NYAP2: variants seen among roughly 807,000 people sequenced by gnomAD.
The protein encoded by NYAP2 is neuronal tyrosine-phosphorylated phosphoinositide-3-kinase adaptor 2, also known as neuronal tyrosine-phosphorylated phosphoinositide-3-kinase adapter 2.
A neutral mutation model predicts 50.4 loss-of-function variants in NYAP2; 23 were observed. The ratio of observed to expected loss-of-function variants is 0.46; its 90% CI spans 0.33 to 0.65. NYAP2 has a LOEUF of 0.65. Ranked by LOEUF, NYAP2 falls within the 30% of genes least tolerant of loss-of-function variation. NYAP2 has a pLI of 0.02. For missense variants in NYAP2, 885 were observed against 861.0 expected (o/e 1.03, Z -0.35); for synonymous variants, 394 against 365.2 (o/e 1.08, Z -0.90).
intron 4 of NYAP2, among the ~76,000 whole-genome samples, chr2:225,529,106 C>T (rs1398880412): frequency 6.6e-6 from 1 of 152,128 alleles, no homozygotes; most frequent in African/African-American, 2.4e-5. Context: ...TTAATAATTA[C>T]TAGGATTTTC....
the NYAP2 span, among the ~76,000 whole-genome samples, chr2:225,672,948 C>T: frequency 6.6e-6 from 1 of 151,640 alleles, no homozygotes; most frequent in Non-Finnish European, 1.5e-5. Context: ...TCACAGATCA[C>T]CATAAACAGA....
At chr2:225,583,068 C>T in intron 5 of NYAP2, 33 bp downstream of exon 5, 1 of 1,590,658 alleles carries the variant, frequency 6.3e-7, no homozygotes, top group Non-Finnish European at 8.6e-7. Flanking sequence ...AGCCCCAGAG[C>T]CCAGTGCCAG....
At chr2:225,441,148 A>G (rs1342961269) in intron 3 of NYAP2, among the ~76,000 whole-genome samples, 1 of 152,242 alleles carries the variant, frequency 6.6e-6, no homozygotes, top group African/African-American at 2.4e-5. Context: ...TGAGTCCTTA[A>G]GAGCTACGTA....
intron 3 of NYAP2, among the ~76,000 whole-genome samples, chr2:225,435,282 A>G (rs1286460873): frequency 6.6e-6 from 1 of 152,232 alleles, no homozygotes; most frequent in East Asian, 1.9e-4. Flanking sequence ...TACATAAGGC[A>G]GTAAAGAATC....
chr2:225,432,887 G>A (rs548449068), intron 3 of NYAP2, among the ~76,000 whole-genome samples: 2 of 152,086 alleles, frequency 1.3e-5, no homozygotes, highest in South Asian at 2.1e-4. Context: ...ATATTTTAGC[G>A]GTCAAGTAGG....
chr2:225,560,942 T>TTG (rs920215136), intron 4 of NYAP2, among the ~76,000 whole-genome samples: 2 of 151,548 alleles, frequency 1.3e-5, no homozygotes, highest in African/African-American at 4.8e-5. Flanking sequence ...CGTTTTTTTT[T>TTG]TTTTTTGGTG....
At chr2:225,531,981 T>C (rs1034069870) in intron 4 of NYAP2, among the ~76,000 whole-genome samples, 1 of 152,250 alleles carries the variant, frequency 6.6e-6, no homozygotes, top group Admixed American at 6.5e-5. Flanking sequence ...ATCCAAATAA[T>C]ATAAATCAAA....
intron 4 of NYAP2, among the ~76,000 whole-genome samples, chr2:225,524,722 A>T (rs1691122992): frequency 6.6e-6 from 1 of 152,192 alleles, no homozygotes. Context: ...AAAAGCAAAC[A>T]CAACAAAAAC....
chr2:225,550,929 T>C (rs1164977058), intron 4 of NYAP2, among the ~76,000 whole-genome samples: 1 of 152,186 alleles, frequency 6.6e-6, no homozygotes, highest in African/African-American at 2.4e-5. Flanking sequence ...TCTAGTTTCC[T>C]GTGTGCAATG....
In NYAP2 at chr2:225,546,494, C is replaced by G. The variant is rs373782524; in HGVS notation, c.523+32822C>G. On this transcript the variant is annotated intron_variant, in intron 4 of 6. Transcript: ENST00000636099. The stretch of plus-strand genomic sequence containing the variant: ...CACAGATCCACATGGTGGGTACTGT[C>G]AGGCTACTGCCGATATTCACTTAAG... 7.9e-5 allele frequency among the ~76,000 whole-genome samples: 12 copies of G among 152,150 alleles called. No individual in the cohort carries two copies. In the South Asian group the frequency reaches 1.5e-3, roughly 18 times the overall value.
At chr2:225,508,141 A>C (rs560199194) in intron 3 of NYAP2, among the ~76,000 whole-genome samples, 1 of 152,246 alleles carries the variant, frequency 6.6e-6, no homozygotes, top group Non-Finnish European at 1.5e-5. Flanking sequence ...GAGAAAAAGC[A>C]TACTTGTTTA....
intron 3 of NYAP2, among the ~76,000 whole-genome samples, chr2:225,477,541 T>C (rs1690137494): frequency 6.6e-6 from 1 of 151,642 alleles, no homozygotes; most frequent in African/African-American, 2.4e-5. Context: ...CGGCCGAGAG[T>C]CTCTATTTCT....
chr2:225,488,852 T>C (rs1452149052), intron 3 of NYAP2, among the ~76,000 whole-genome samples: 4 of 152,206 alleles, frequency 2.6e-5, no homozygotes, highest in African/African-American at 9.7e-5. Context: ...TCTTCTACAA[T>C]GGTTGGTGAG....
At chr2:225,509,839 T>C (rs1690778888) in intron 3 of NYAP2, among the ~76,000 whole-genome samples, 1 of 152,202 alleles carries the variant, frequency 6.6e-6, no homozygotes, top group South Asian at 2.1e-4. Context: ...CCATCACAGC[T>C]GCCAGGTATT....
At chr2:225,405,626 A>G (rs1694928026) in intron 2 of NYAP2, among the ~76,000 whole-genome samples, 1 of 151,966 alleles carries the variant, frequency 6.6e-6, no homozygotes, top group South Asian at 2.1e-4. Flanking sequence ...CAATGAACAT[A>G]AGGTTCTCTT....
At chr2:225,444,347 T>C (rs191952821) in intron 3 of NYAP2, among the ~76,000 whole-genome samples, 234 of 152,342 alleles carry the variant, frequency 1.5e-3, no homozygotes, top group Non-Finnish European at 2.9e-3. Flanking sequence ...TTCTTTCTCT[T>C]AGTACACACA....
At chr2:225,638,130 A>T in intron 6 of NYAP2, among the ~76,000 whole-genome samples, 3 of 150,894 alleles carry the variant, frequency 2.0e-5, no homozygotes, top group South Asian at 4.2e-4. Context: ...TAGATATTAG[A>T]GAGAATTTTA....
the NYAP2 span, among the ~76,000 whole-genome samples, chr2:225,660,221 C>CG: frequency 2.0e-5 from 3 of 152,088 alleles, no homozygotes; most frequent in South Asian, 6.2e-4. Flanking sequence ...TTAGGTCTGG[C>CG]ATTTCTTCTT....
chr2:225,419,859 G>T (rs1308261967), intron 3 of NYAP2, among the ~76,000 whole-genome samples: 1 of 152,156 alleles, frequency 6.6e-6, no homozygotes, highest in Non-Finnish European at 1.5e-5. Context: ...AAGATTGTTT[G>T]CTTTGGGCAT....
Sources: allele counts gnomAD v4.1 joint callset (sites outside exome capture counted in the v4.1 genomes callset), GRCh38; gene constraint gnomAD v4.1.1; transcripts MANE v1.5; gene names NCBI Gene and HGNC (gene_info 2026-07-23, HGNC 2026-07-21).